The following ATXN1 variants were observed in gnomAD, a reference collection of about 807,000 sequenced individuals.
The protein encoded by ATXN1 is ataxin 1, also known as ataxin-1.
In ATXN1, 8 loss-of-function variants were observed where a neutral mutation model predicts 56.4. That is an observed-to-expected ratio of 0.14 (90% CI 0.08 to 0.26). The LOEUF (loss-of-function observed/expected upper bound fraction) is 0.26, where lower values mean the gene tolerates loss of function less well. Ranked by LOEUF, ATXN1 falls within the 10% of genes least tolerant of loss-of-function variation. ATXN1 has a pLI of 1.00. For missense variants in ATXN1, 987 were observed against 1,106.5 expected, an observed-to-expected ratio of 0.89 and a Z score of 1.53; for synonymous variants, 514 against 494.6, an observed-to-expected ratio of 1.04 and a Z score of -0.52.
At chr6:16,708,943 T>C (rs1286189378) in intron 2 of ATXN1, among the ~76,000 whole-genome samples, 1 of 151,680 alleles carries the variant, frequency 6.6e-6, no homozygotes, top group East Asian at 1.9e-4. Flanking sequence ...GGAGAATCAC[T>C]TGAACCCAGG....
rs1003333720 is a variant in ATXN1 at position 16,443,676 on chromosome 6, G to C, written c.-161+42296C>G. On this transcript the variant is annotated intron_variant, in intron 6 of 7. Coordinates refer to ENST00000436367, the MANE Select transcript of ATXN1 (RefSeq NM_001128164.2). ...AAATTATTGCAAGTGTAGTGTGGGA[G>C]AAAGTAAATGAGTAAATTGTGTTGG... Among the ~76,000 whole-genome samples the C allele has an allele frequency of 2.0e-5, 3 of 152,230 alleles. No homozygotes were observed. In the East Asian group the frequency reaches 5.8e-4, roughly 29 times the overall value.
At chr6:16,473,080 G>T (rs557334458) in intron 6 of ATXN1, among the ~76,000 whole-genome samples, 1 of 152,054 alleles carries the variant, frequency 6.6e-6, no homozygotes, top group Non-Finnish European at 1.5e-5. Flanking sequence ...AGGAATGAAG[G>T]CTGCCTGCCC....
rs942600689 is a variant in ATXN1, at chr6:16,301,527, T to C, written c.*4802A>G. On this transcript the variant is annotated 3_prime_UTR_variant, in exon 8 of 8. Transcript: ENST00000436367. ...TGTATATTTATTACTTGATGTGTTC[T>C]TAAATTCTCTATTTCAGAAATTCTG... 5.2e-5 allele frequency: 8 copies of C among 152,480 alleles called. No homozygotes were observed. The highest frequency in any genetic ancestry group is 8.8e-5 in the Non-Finnish European group (6 of 68,020). The allele number at this position is 152,480 out of a possible 1,614,324, so 9.4% of individuals were successfully genotyped here.
chr6:16,363,296 A>T (rs1761851907), intron 6 of ATXN1, among the ~76,000 whole-genome samples: 1 of 152,236 alleles, frequency 6.6e-6, no homozygotes, highest in Non-Finnish European at 1.5e-5. Context: ...CATATTTGAT[A>T]GGTGCATGCT....
chr6:16,416,885 C>G (rs1443619200), intron 6 of ATXN1, among the ~76,000 whole-genome samples: 4 of 152,124 alleles, frequency 2.6e-5, no homozygotes. Flanking sequence ...TAGAATGTGG[C>G]TTTTATCTTG....
chr6:16,334,949 A>G (rs939922395), intron 6 of ATXN1, among the ~76,000 whole-genome samples: 1 of 152,156 alleles, frequency 6.6e-6, no homozygotes, highest in Non-Finnish European at 1.5e-5. Context: ...CAGCATTAGG[A>G]AGCAATGAGA....
At chr6:16,749,603 C>T (rs564736557) in intron 2 of ATXN1, among the ~76,000 whole-genome samples, 9 of 152,220 alleles carry the variant, frequency 5.9e-5, no homozygotes, top group Admixed American at 2.0e-4. Flanking sequence ...TTATGGCCCA[C>T]GCATACATCA....
chr6:16,732,925 T>C (rs1760023652), intron 2 of ATXN1, among the ~76,000 whole-genome samples: 1 of 152,242 alleles, frequency 6.6e-6, no homozygotes, highest in African/African-American at 2.4e-5. Flanking sequence ...CACCTCCATC[T>C]ACAGAATTGT....
chr6:16,691,135 T>C (rs144274162), intron 2 of ATXN1, among the ~76,000 whole-genome samples: 2 of 152,232 alleles, frequency 1.3e-5, no homozygotes, highest in Non-Finnish European at 2.9e-5. Flanking sequence ...TGGTGCCAGG[T>C]TGGAATTTCA....
At chr6:16,501,673 T>A (rs940868990) in intron 5 of ATXN1, among the ~76,000 whole-genome samples, 4 of 152,228 alleles carry the variant, frequency 2.6e-5, no homozygotes, top group Non-Finnish European at 5.9e-5. Context: ...TATGGCTGCA[T>A]AGTATTCCAT....
At chr6:16,570,320 T>C (rs929267399) in intron 4 of ATXN1, among the ~76,000 whole-genome samples, 1 of 152,236 alleles carries the variant, frequency 6.6e-6, no homozygotes, top group Non-Finnish European at 1.5e-5. Context: ...TTTGGGAAAC[T>C]GAAGAAGTGA....
At chr6:16,698,338 C>G (rs2113431397) in intron 2 of ATXN1, among the ~76,000 whole-genome samples, 1 of 152,246 alleles carries the variant, frequency 6.6e-6, no homozygotes. Context: ...ACCAACCACT[C>G]CCTGCCCCTC....
At chr6:16,562,451 A>AAAAGGAAAGGAAGGGAAAGG (rs1163313957) in intron 4 of ATXN1, among the ~76,000 whole-genome samples, 1 of 90,526 alleles carries the variant, frequency 1.1e-5, no homozygotes, top group African/African-American at 5.5e-5. Flanking sequence ...GAAAAGAAAG[A>AAAAGGAAAGGAAGGGAAAGG]AAAGGAGAGG....
chr6:16,750,488 C>A (rs1028681967), intron 2 of ATXN1, among the ~76,000 whole-genome samples: 1 of 152,142 alleles, frequency 6.6e-6, no homozygotes, highest in Non-Finnish European at 1.5e-5. Flanking sequence ...TTTCTGCCTA[C>A]GTTGAGCCGT....
chr6:16,328,527 G>T lies in ATXN1; in HGVS notation c.-160-57C>A. The T allele has an allele frequency of 2.5e-6, 2 of 807,640 alleles. No individual in the cohort carries two copies. Among genetic ancestry groups the T allele is most frequent in the Non-Finnish European group, 3.4e-6 (2 of 584,786 alleles). 50.0% of individuals were successfully genotyped at this position (807,640 alleles called of 1,614,324 possible). ...AAAAGGAAAGGGAGGAGAAAGGGAA[G>T]GAGGGAAAGGACATCAGAACATGAG... is the stretch of plus-strand genomic sequence containing the variant. On this transcript the variant is annotated intron_variant, in intron 6 of 7. Coordinates refer to ENST00000436367, the MANE Select transcript of ATXN1 (RefSeq NM_001128164.2). This position sits in a 1 kb window ranked among gnomAD's most constrained non-coding sequence, Gnocchi z 6.2.
chr6:16,352,130 C>T (rs1761582102), intron 6 of ATXN1, among the ~76,000 whole-genome samples: 2 of 152,054 alleles, frequency 1.3e-5, no homozygotes, highest in Non-Finnish European at 2.9e-5. Flanking sequence ...TATAGTTTCG[C>T]GAATAATATA....
rs1480725880 is a variant in ATXN1, at chr6:16,326,911, C to T, written c.1400G>A (p.Gly467Asp). 6.2e-7 allele frequency: 1 copy of T among 1,613,340 alleles called. No individual in the cohort carries two copies. The highest frequency in any genetic ancestry group is 1.1e-5 in the South Asian group (1 of 91,066). ...TQPPVIGYLS[G>D]QQQAITYAGS... is the part of the protein sequence containing the mutation. ...GGCGTAGGTGATTGCTTGCTGCTGG[C>T]CGCTCAGGTAGCCGATGACAGGGGG... The change falls in exon 7 of 8, where the codon GGC becomes GAC. Residue 467 changes from glycine (G) to aspartate (D), a missense_variant. By Grantham distance (94) the Gly-to-Asp change is moderately conservative (BLOSUM62 -1). This residue lies in a region of ATXN1 where 723 missense variants were observed against 791.7 expected (regional missense o/e 0.91). Transcript: ENST00000436367. This position sits in a 1 kb window ranked among gnomAD's most constrained non-coding sequence, Gnocchi z 6.6.
intron 3 of ATXN1, among the ~76,000 whole-genome samples, chr6:16,586,612 G>A (rs1248820921): frequency 3.3e-5 from 5 of 152,284 alleles, no homozygotes; most frequent in Non-Finnish European, 5.9e-5. Context: ...TACAGCCAAC[G>A]GATGTTAAAG....
intron 6 of ATXN1, among the ~76,000 whole-genome samples, chr6:16,330,642 C>G (rs1760966198): frequency 1.3e-5 from 2 of 152,106 alleles, no homozygotes; most frequent in Admixed American, 1.3e-4. Context: ...CACTTGGCCT[C>G]CCGGTGCTGG....
Sources: gnomAD v4.1 joint callset for allele counts (sites outside exome capture counted in the v4.1 genomes callset) on GRCh38, gnomAD v4.1.1 for gene constraint, gnomAD v4.1.1 regional missense constraint, Gnocchi (gnomAD v3.1) non-coding constraint, MANE v1.5 for transcripts, NCBI Gene and HGNC (gene_info 2026-07-23, HGNC 2026-07-21) for gene names.